ATRNL1: variants seen among roughly 807,000 people sequenced by gnomAD.
ATRNL1 encodes attractin-like protein 1.
In ATRNL1, 95 loss-of-function variants were observed where a neutral mutation model predicts 182.7. The observed-to-expected ratio is 0.52, with a 90% confidence interval of 0.44 to 0.62. The LOEUF is 0.62. ATRNL1 is among the 20% of genes least tolerant of loss of function. ATRNL1 has a pLI of 0.00. For synonymous variants in ATRNL1, 576 were observed against 568.3 expected (o/e 1.01, Z -0.19); for missense variants, 1,471 against 1,679.5 (o/e 0.88, Z 2.17).
chr10:115,416,627 A>G (rs1286957374), intron 20 of ATRNL1, among the ~76,000 whole-genome samples: 1 of 152,170 alleles, frequency 6.6e-6, no homozygotes, highest in Non-Finnish European at 1.5e-5. Flanking sequence ...TGCCAAAGTT[A>G]CTTCCTACAC....
At chr10:115,319,483 G>A (rs1053068286) in intron 18 of ATRNL1, among the ~76,000 whole-genome samples, 11 of 152,146 alleles carry the variant, frequency 7.2e-5, no homozygotes, top group African/African-American at 2.7e-4. Flanking sequence ...TGACAGTGGG[G>A]TGTTAAAGTG....
chr10:115,850,258 A>G (rs1951023994), intron 28 of ATRNL1, among the ~76,000 whole-genome samples: 1 of 152,192 alleles, frequency 6.6e-6, no homozygotes. Flanking sequence ...TTTAACTTTG[A>G]TATATGTTTA....
intron 18 of ATRNL1, among the ~76,000 whole-genome samples, chr10:115,320,975 TTTG>T (rs1242371453): frequency 1.3e-5 from 2 of 152,128 alleles, no homozygotes; most frequent in Admixed American, 6.6e-5. Flanking sequence ...TTTTGGCATT[TTTG>T]TTGTTGTTGT....
intron 24 of ATRNL1, among the ~76,000 whole-genome samples, chr10:115,479,333 A>G (rs1554973707): frequency 6.6e-6 from 1 of 151,638 alleles, no homozygotes; most frequent in Non-Finnish European, 1.5e-5. Flanking sequence ...TCAAATGCAC[A>G]ATATACTTAC....
chr10:115,133,078 G>A (rs1324953023), intron 5 of ATRNL1, among the ~76,000 whole-genome samples: 1 of 152,174 alleles, frequency 6.6e-6, no homozygotes, highest in Non-Finnish European at 1.5e-5. Context: ...CAACATTTAA[G>A]TCTTTAATTT....
chr10:115,149,297 C>T (rs1846110857), intron 5 of ATRNL1, among the ~76,000 whole-genome samples: 1 of 152,106 alleles, frequency 6.6e-6, no homozygotes, highest in Admixed American at 6.5e-5. Flanking sequence ...TTCCAGCATT[C>T]CAGCTTGCTT....
At chr10:115,561,670 T>A (rs1414993516) in intron 26 of ATRNL1, among the ~76,000 whole-genome samples, 1 of 21,224 alleles carries the variant, frequency 4.7e-5, no homozygotes, top group Non-Finnish European at 1.2e-4. Flanking sequence ...GGGACAACTC[T>A]GTGTGTGTGT....
chr10:115,132,758 A>C (rs1554875555), intron 5 of ATRNL1, among the ~76,000 whole-genome samples: 1 of 151,902 alleles, frequency 6.6e-6, no homozygotes, highest in East Asian at 1.9e-4. Context: ...CATATCCCTC[A>C]CCCACTTTTT....
intron 27 of ATRNL1, among the ~76,000 whole-genome samples, chr10:115,748,404 GTTCACT>G (rs1948354398): frequency 8.1e-6 from 1 of 123,000 alleles, no homozygotes; most frequent in South Asian, 2.5e-4. Context: ...GTAGTTTCTT[GTTCACT>G]TTGGATTTTT....
At chr10:115,372,665 T>G (rs1554948417) in intron 19 of ATRNL1, among the ~76,000 whole-genome samples, 2 of 152,206 alleles carry the variant, frequency 1.3e-5, no homozygotes, top group African/African-American at 4.8e-5. Flanking sequence ...CCACCTTTGT[T>G]GAAGATCAAT....
chr10:115,176,259 CT>C (rs1278358802), intron 8 of ATRNL1, among the ~76,000 whole-genome samples: 3 of 152,072 alleles, frequency 2.0e-5, no homozygotes, highest in Non-Finnish European at 4.4e-5. Context: ...TGTAGGTTGC[CT>C]TTCACTCTGA....
intron 28 of ATRNL1, among the ~76,000 whole-genome samples, chr10:115,924,852 C>T (rs1299128477): frequency 1.3e-5 from 2 of 152,134 alleles, no homozygotes; most frequent in South Asian, 2.1e-4. Flanking sequence ...TGGCCATTTT[C>T]ACGATATTGA....
At chr10:115,378,916 TTGA>T (rs1260504115) in intron 19 of ATRNL1, among the ~76,000 whole-genome samples, 3 of 152,198 alleles carry the variant, frequency 2.0e-5, no homozygotes, top group Non-Finnish European at 4.4e-5. Flanking sequence ...TATATGACAG[TTGA>T]TGATGATGCA....
intron 24 of ATRNL1, among the ~76,000 whole-genome samples, chr10:115,496,093 T>C (rs1399778038): frequency 4.6e-5 from 7 of 152,226 alleles, no homozygotes; most frequent in Non-Finnish European, 1.0e-4. Context: ...TCTTTTTTGA[T>C]CATTACTGGC....
chr10:115,211,011 G>A (rs1204028001), intron 8 of ATRNL1, among the ~76,000 whole-genome samples: 1 of 144,862 alleles, frequency 6.9e-6, no homozygotes, highest in Non-Finnish European at 1.5e-5. Flanking sequence ...TCTGTTGTTT[G>A]TATTCATGTT....
intron 10 of ATRNL1, among the ~76,000 whole-genome samples, chr10:115,242,608 T>C (rs1171773607): frequency 6.6e-6 from 1 of 152,052 alleles, no homozygotes; most frequent in Admixed American, 6.5e-5. Context: ...GTAAGAAGTA[T>C]ACTTTTTCTC....
At chr10:115,252,169 G>A (rs1850907858) in intron 10 of ATRNL1, among the ~76,000 whole-genome samples, 1 of 152,094 alleles carries the variant, frequency 6.6e-6, no homozygotes, top group Admixed American at 6.6e-5. Context: ...TGGGACTACA[G>A]GCGCCCGCCA....
At chr10:115,913,359 G>C (rs541576831) in intron 28 of ATRNL1, among the ~76,000 whole-genome samples, 5 of 152,014 alleles carry the variant, frequency 3.3e-5, no homozygotes, top group African/African-American at 9.7e-5. Context: ...ACCCCTGCAG[G>C]GTAGCCCTAT....
chr10:115,625,458 T>TC (rs1858033975), intron 26 of ATRNL1, among the ~76,000 whole-genome samples: 1 of 152,306 alleles, frequency 6.6e-6, no homozygotes, highest in East Asian at 1.9e-4. Context: ...GTTTTATACC[T>TC]TTTTTGTTAA....
Sources: allele counts gnomAD v4.1 joint callset (sites outside exome capture counted in the v4.1 genomes callset), GRCh38; gene constraint gnomAD v4.1.1; transcripts MANE v1.5; gene names NCBI Gene and HGNC (gene_info 2026-07-23, HGNC 2026-07-21).